The following FAF1 variants were observed in gnomAD, a reference collection of about 807,000 sequenced individuals.
The protein encoded by FAF1 is Fas associated factor 1.
FAF1 carries 25 observed loss-of-function variants against 92.5 expected under a neutral mutation model. The observed-to-expected ratio is 0.27, with a 90% CI of 0.20 to 0.38. FAF1 has a LOEUF of 0.38. Among genes scored for constraint, FAF1 ranks in the 10% least tolerant of loss-of-function variants. The pLI, the probability that FAF1 is intolerant of heterozygous loss-of-function variation, is 1.00. For synonymous variants in FAF1, 234 were observed against 273.2 expected (o/e 0.86, Z 1.42); for missense variants, 636 against 793.3 (o/e 0.80, Z 2.38).
At chr1:50,530,566 T>C (rs1486171987) in intron 15 of FAF1, among the ~76,000 whole-genome samples, 3 of 152,104 alleles carry the variant, frequency 2.0e-5, no homozygotes, top group African/African-American at 7.2e-5. Context: ...AAGCCTACTA[T>C]TTGATAGCAC....
chr1:50,659,543 T>G (rs757588110), intron 7 of FAF1, among the ~76,000 whole-genome samples: 28 of 152,158 alleles, frequency 1.8e-4, no homozygotes, highest in African/African-American at 5.1e-4. Context: ...TAAGGACAAG[T>G]GGCACTTCAC....
In FAF1 at chr1:50,583,754, C is replaced by A. The variant is rs1452237584; in HGVS notation, c.968-39G>T. 9 of 1,398,292 alleles carry A rather than the reference C, an allele frequency of 6.4e-6. No homozygotes were observed. Among genetic ancestry groups the A allele is most frequent in the Non-Finnish European group, 9.0e-6 (9 of 1,004,822 alleles). 86.6% of individuals were successfully genotyped at this position (1,398,292 alleles called of 1,614,324 possible). A position where few individuals can be genotyped will look rare whatever the true frequency, so the allele number is the denominator to read the frequency against. On this transcript the variant is annotated intron_variant, in intron 10 of 18. Transcript: ENST00000396153. This position sits in a 1 kb window ranked among gnomAD's most constrained non-coding sequence, Gnocchi z 4.2. ...AAAAGAAAAAACAAAAACAAAAAAA[C>A]AAAACAAATAGACACAAAAACAAAC...
chr1:50,922,625 C>A (rs1485704080), intron 1 of FAF1, among the ~76,000 whole-genome samples: 1 of 151,346 alleles, frequency 6.6e-6, no homozygotes, highest in Non-Finnish European at 1.5e-5. Context: ...TTGAGACCAG[C>A]CTGACCAACA....
chr1:50,461,295 C>G (rs1337004463), intron 18 of FAF1, among the ~76,000 whole-genome samples: 5 of 152,162 alleles, frequency 3.3e-5, no homozygotes, highest in Non-Finnish European at 7.3e-5. Flanking sequence ...CATGTTGTAT[C>G]TAGCTTGGCA....
At chr1:50,815,756 G>T (rs952880570) in intron 2 of FAF1, among the ~76,000 whole-genome samples, 1 of 152,258 alleles carries the variant, frequency 6.6e-6, no homozygotes, top group East Asian at 1.9e-4. Flanking sequence ...GGGCACGGTG[G>T]CTCATGCCTG....
At chr1:50,695,458 G>C (rs1449604534) in intron 7 of FAF1, among the ~76,000 whole-genome samples, 2 of 151,910 alleles carry the variant, frequency 1.3e-5, no homozygotes, top group African/African-American at 4.8e-5. Context: ...TTCCAGCAGA[G>C]AACAAAAGGG....
At chr1:50,786,852 C>T (rs1045477998) in intron 4 of FAF1, among the ~76,000 whole-genome samples, 4 of 152,060 alleles carry the variant, frequency 2.6e-5, no homozygotes, top group Admixed American at 6.6e-5. Flanking sequence ...TGAATTATAT[C>T]CTAAAATCAA....
intron 15 of FAF1, among the ~76,000 whole-genome samples, chr1:50,532,177 A>C (rs1483771086): frequency 6.6e-6 from 1 of 152,174 alleles, no homozygotes; most frequent in African/African-American, 2.4e-5. Context: ...CACTCTAAAA[A>C]CAAAGAGAAA....
intron 2 of FAF1, among the ~76,000 whole-genome samples, chr1:50,825,488 T>C (rs1644088150): frequency 1.3e-5 from 2 of 151,884 alleles, no homozygotes; most frequent in East Asian, 3.9e-4. Flanking sequence ...ACCCAGAATA[T>C]GTATCATCTC....
At chr1:50,762,505 G>T (rs1660369337) in intron 4 of FAF1, among the ~76,000 whole-genome samples, 1 of 151,726 alleles carries the variant, frequency 6.6e-6, no homozygotes, top group Non-Finnish European at 1.5e-5. Flanking sequence ...TAGATCAATG[G>T]AACAGAACAG....
Position 50,830,770 on chromosome 1 carries a change from A to G in FAF1, c.114+27159T>C, listed in dbSNP as rs1644145697. On this transcript the variant is annotated intron_variant, in intron 2 of 18. Transcript: ENST00000396153. ...ATAAAAAGGAATGTTGAAAAAAATG[A>G]GAAGTTATTCCAGACTGCAAAGACT... Among the ~76,000 whole-genome samples, 3 of 152,274 alleles carry G rather than the reference A, an allele frequency of 2.0e-5. No individual in the cohort carries two copies. The East Asian group carries it at 5.8e-4, about 29-fold the overall frequency.
chr1:50,833,961 C>T (rs1323092493), intron 2 of FAF1, among the ~76,000 whole-genome samples: 2 of 152,216 alleles, frequency 1.3e-5, no homozygotes, highest in Non-Finnish European at 2.9e-5. Flanking sequence ...GGTTTATCCC[C>T]TTTGATATGG....
At chr1:50,503,695 T>C (rs1482777661) in intron 15 of FAF1, among the ~76,000 whole-genome samples, 6 of 151,962 alleles carry the variant, frequency 3.9e-5, no homozygotes, top group Non-Finnish European at 1.5e-5. Context: ...TGGAATACTA[T>C]TCAGCAAGTA....
At chr1:50,572,303 C>T (rs1352189413) in intron 12 of FAF1, among the ~76,000 whole-genome samples, 1 of 152,068 alleles carries the variant, frequency 6.6e-6, no homozygotes, top group African/African-American at 2.4e-5. Context: ...ACACTTCTAC[C>T]CTAAAGAAAT....
chr1:50,759,645 A>G (rs1660240510), intron 4 of FAF1, among the ~76,000 whole-genome samples: 3 of 152,162 alleles, frequency 2.0e-5, no homozygotes, highest in African/African-American at 2.4e-5. Context: ...AGCATGATTT[A>G]TAGTCCTTTG....
chr1:50,731,874 T>C (rs1569852571), intron 6 of FAF1, among the ~76,000 whole-genome samples: 1 of 152,136 alleles, frequency 6.6e-6, no homozygotes, highest in Non-Finnish European at 1.5e-5. Flanking sequence ...ATTTGGGATA[T>C]ATGTTTTTAT....
chr1:50,834,831 G>T (rs930542233), intron 2 of FAF1, among the ~76,000 whole-genome samples: 1 of 152,072 alleles, frequency 6.6e-6, no homozygotes, highest in African/African-American at 2.4e-5. Flanking sequence ...ACAGCAAAAG[G>T]CATGAAAACA....
At chr1:50,759,430 C>T (rs921277705) in intron 4 of FAF1, among the ~76,000 whole-genome samples, 1 of 151,422 alleles carries the variant, frequency 6.6e-6, no homozygotes, top group Non-Finnish European at 1.5e-5. Flanking sequence ...TGATAGTTTA[C>T]TGAGAATGAT....
At chr1:50,552,990 G>A (rs917463493) in intron 13 of FAF1, among the ~76,000 whole-genome samples, 4 of 152,200 alleles carry the variant, frequency 2.6e-5, no homozygotes, top group Admixed American at 2.6e-4. Flanking sequence ...AAGGGTACAG[G>A]CATACAGAAG....
Sources: allele counts gnomAD v4.1 joint callset (sites outside exome capture counted in the v4.1 genomes callset), GRCh38; gene constraint gnomAD v4.1.1; non-coding constraint Gnocchi (gnomAD v3.1); transcripts MANE v1.5; gene names NCBI Gene and HGNC (gene_info 2026-07-23, HGNC 2026-07-21).